Variants in FHL5 observed in about 807,000 individuals in gnomAD.
FHL5 encodes four and a half LIM domains protein 5.
FHL5 carries 33 observed loss-of-function variants against 32.0 expected under a neutral mutation model. That is an observed-to-expected ratio of 1.03 (90% confidence interval 0.78 to 1.38). The LOEUF is 1.38. Ranked by LOEUF, FHL5 falls within the 40% of genes most tolerant of loss-of-function variation. The pLI, the probability that FHL5 is intolerant of heterozygous loss-of-function variation, is 0.00. For synonymous variants in FHL5, 114 were observed against 113.6 expected (o/e 1.00, Z -0.02); for missense variants, 336 against 343.9 (o/e 0.98, Z 0.18).
At position 96,584,435 on chromosome 6, in the gene FHL5, ATGTGTGTGTGTGTGTGTGTGTGTGTT is replaced by A. The variant is rs1197121064; in HGVS notation, c.-12-19141_-12-19116del. On this transcript the variant is annotated intron_variant, in intron 1 of 5. Transcript: ENST00000450218. ...GAAGTGGCTGAAGCACAGGTGGGAT[ATGTGTGTGTGTGTGTGTGTGTGTGTT>A]TGTGTGTGTGTGTGTGTGTGTGTGT... Among the ~76,000 whole-genome samples, 472 of 146,884 alleles carry A rather than the reference ATGTGTGTGTGTGTGTGTGTGTGTGTT, an allele frequency of 3.2e-3. 1 individual carries two copies. The highest frequency in any genetic ancestry group is 0.01 in the African/African-American group (413 of 39,926).
At chr6:96,575,999 G>T (rs892618853) in intron 1 of FHL5, among the ~76,000 whole-genome samples, 2 of 152,168 alleles carry the variant, frequency 1.3e-5, no homozygotes, top group Non-Finnish European at 2.9e-5. Context: ...CCACCCTCCA[G>T]TTCTAGTGGT....
intron 1 of FHL5, among the ~76,000 whole-genome samples, chr6:96,597,269 G>A (rs1052986913): frequency 1.3e-5 from 2 of 151,602 alleles, no homozygotes; most frequent in African/African-American, 4.8e-5. Context: ...ACTTGTTCAT[G>A]TAAATTGATT....
rs1346851479 is a variant in FHL5 at position 96,618,204 on chromosome 6, GA to G, written c.*2437del. 2.0e-5 allele frequency among the ~76,000 whole-genome samples: 3 copies of G among 152,188 alleles called. No homozygotes were observed. Among genetic ancestry groups the G allele is most frequent in the African/African-American group, 4.8e-5 (2 of 41,448 alleles). ...ATTTATATGGTTTATGTAACAAAGA[GA>G]AAAACTCCTTAATGGACTTATCCAA... On this transcript the variant is annotated 3_prime_UTR_variant, in exon 6 of 6. Transcript: ENST00000450218.
intron 1 of FHL5, among the ~76,000 whole-genome samples, chr6:96,588,276 T>G (rs1197704729): frequency 6.6e-6 from 1 of 152,224 alleles, no homozygotes. Context: ...AATGGCACAA[T>G]CTCGGCTCAC....
chr6:96,602,426 CTT>C (rs1168636713), intron 1 of FHL5, among the ~76,000 whole-genome samples: 13 of 33,700 alleles, frequency 3.9e-4, no homozygotes, highest in African/African-American at 9.1e-4. Context: ...TGCGTTGTTT[CTT>C]TTTTTTTTTT....
intron 1 of FHL5, among the ~76,000 whole-genome samples, chr6:96,579,748 T>G (rs931986828): frequency 6.6e-5 from 10 of 152,308 alleles, no homozygotes; most frequent in South Asian, 6.2e-4. Context: ...TGAAACTTCA[T>G]GTATATGACA....
At chr6:96,607,766 T>TGAGGCCAGGAGTTC (rs1467295824) in intron 4 of FHL5, among the ~76,000 whole-genome samples, 1 of 151,694 alleles carries the variant, frequency 6.6e-6, no homozygotes, top group African/African-American at 2.4e-5. Flanking sequence ...GAAGATTGCC[T>TGAGGCCAGGAGTTC]GAGGCCAGGA....
chr6:96,579,661 T>A (rs954768915), intron 1 of FHL5, among the ~76,000 whole-genome samples: 1 of 152,214 alleles, frequency 6.6e-6, no homozygotes, highest in African/African-American at 2.4e-5. Flanking sequence ...GGAGTGGTTT[T>A]ATAAACTGTT....
chr6:96,611,758 C>T (rs1454845632), intron 5 of FHL5, among the ~76,000 whole-genome samples: 1 of 152,100 alleles, frequency 6.6e-6, no homozygotes, highest in Admixed American at 6.6e-5. Context: ...TCACAGCAAA[C>T]CCCACCTTGG....
rs1166630030 is a variant in FHL5 at position 96,610,613 on chromosome 6, G to C, written c.546G>C (p.Trp182Cys). The change falls in exon 5 of 6, where the codon TGG (tryptophan) becomes TGC (cysteine). Residue 182 changes from tryptophan (W) to cysteine (C), a missense_variant. By Grantham distance (215) the Trp-to-Cys change is radical. Transcript: ENST00000450218. ...SGGITFCDQL[W>C]HKECFLCSGC... Reference sequence around the variant, plus strand: ...GGATAACATTTTGTGACCAGCTATGGCATAAAGAGTGTTTTCTGTGTAGTG... The same window carrying C: ...GGATAACATTTTGTGACCAGCTATGCCATAAAGAGTGTTTTCTGTGTAGTG... The C allele has an allele frequency of 6.2e-7, 1 of 1,613,996 alleles. No individual in the cohort carries two copies. Among genetic ancestry groups the C allele is most frequent in the East Asian group, 2.2e-5 (1 of 44,872 alleles).
At chr6:96,591,534 C>T (rs1368801418) in intron 1 of FHL5, among the ~76,000 whole-genome samples, 2 of 152,012 alleles carry the variant, frequency 1.3e-5, no homozygotes, top group Non-Finnish European at 2.9e-5. Flanking sequence ...CCTGAAAATG[C>T]TTTTACCTTC....
At position 96,604,710 on chromosome 6, in the gene FHL5, C is replaced by G. The variant is rs371446431; in HGVS notation, c.160-40C>G. The G allele has an allele frequency of 4.5e-6, 7 of 1,546,534 alleles. No individual in the cohort carries two copies. The African/African-American group carries it at 9.6e-5, about 21-fold the overall frequency. ...TGTTTCATAAAATGGCCTGTATTGT[C>G]ACAACCACATTTAATTAACTTTTAT... On this transcript the variant is annotated intron_variant, in intron 2 of 5. Transcript: ENST00000450218.
At chr6:96,564,026 A>G (rs1770301857) in intron 1 of FHL5, among the ~76,000 whole-genome samples, 2 of 152,204 alleles carry the variant, frequency 1.3e-5, no homozygotes, top group South Asian at 4.1e-4. Flanking sequence ...TACATCCCAT[A>G]TGTGTTAATG....
At chr6:96,598,718 T>C (rs1052397642) in intron 1 of FHL5, among the ~76,000 whole-genome samples, 1 of 152,240 alleles carries the variant, frequency 6.6e-6, no homozygotes, top group African/African-American at 2.4e-5. Flanking sequence ...GCTCTAAAAC[T>C]TATAACCTTT....
Position 96,615,695 on chromosome 6 carries a change from G to A in FHL5, c.778G>A (p.Val260Met). ...FNCGKCSVSL[V>M]GKGFLTQNKE... ...CTGCGGGAAATGCTCTGTCTCCTTG[G>A]TGGGTAAAGGCTTCCTGACCCAGAA... The change falls in exon 6 of 6, where the codon GTG becomes ATG. Residue 260 changes from valine to methionine, a missense_variant. Transcript: ENST00000450218. 6.2e-7 allele frequency: 1 copy of A among 1,613,190 alleles called. No individual in the cohort carries two copies. The highest frequency in any genetic ancestry group is 8.5e-7 in the Non-Finnish European group (1 of 1,179,608).
chr6:96,615,566 C>T, intron 5 of FHL5, 43 bp from the exon 6 acceptor site: 1 of 1,523,468 alleles, frequency 6.6e-7, no homozygotes, highest in East Asian at 2.3e-5. Flanking sequence ...TCAATCTGTT[C>T]CTTGAAAGGA....
chr6:96,615,460 G>A (rs968278622), intron 5 of FHL5, 149 bp from the exon 6 acceptor site: 1 of 539,404 alleles, frequency 1.9e-6, no homozygotes, highest in Non-Finnish European at 3.0e-6. Flanking sequence ...ATGGACACAG[G>A]GCCAGGAAGC....
At chr6:96,575,832 C>T (rs138159539) in intron 1 of FHL5, among the ~76,000 whole-genome samples, 7 of 152,256 alleles carry the variant, frequency 4.6e-5, no homozygotes, top group East Asian at 3.9e-4. Flanking sequence ...TAACAGAATA[C>T]GTCATAGATC....
chr6:96,615,119 A>G (rs1232771604), intron 5 of FHL5, among the ~76,000 whole-genome samples: 1 of 152,234 alleles, frequency 6.6e-6, no homozygotes, highest in East Asian at 1.9e-4. Flanking sequence ...GGGAAAGAAG[A>G]AAACTAAAAC....
Sources: gnomAD v4.1 joint callset for allele counts (sites outside exome capture counted in the v4.1 genomes callset) on GRCh38, gnomAD v4.1.1 for gene constraint, MANE v1.5 for transcripts, NCBI Gene and HGNC (gene_info 2026-07-23, HGNC 2026-07-21) for gene names.